Variants in MAPKAP1 observed in about 807,000 individuals in gnomAD.
The protein encoded by MAPKAP1 is target of rapamycin complex 2 subunit MAPKAP1.
A neutral mutation model predicts 65.7 loss-of-function variants in MAPKAP1; 20 were observed. The observed-to-expected ratio is 0.30, with a 90% confidence interval of 0.21 to 0.44. The LOEUF (loss-of-function observed/expected upper bound fraction) is 0.44. Ranked by LOEUF, MAPKAP1 falls within the 20% of genes least tolerant of loss-of-function variation. MAPKAP1 has a pLI of 1.00. For missense variants in MAPKAP1, 423 were observed against 648.0 expected (o/e 0.65, Z 3.77); for synonymous variants, 222 against 244.3 (o/e 0.91, Z 0.85).
rs148095545 is a variant in MAPKAP1, at chr9:125,588,371, A to T, written c.499-2644T>A. The stretch of plus-strand genomic sequence containing the variant: ...AACAGGCAAATCCATAGAGACAGAA[A>T]GTAGATTAGCGGTTGGCAGAAGATG... On this transcript the variant is annotated intron_variant, in intron 4 of 11. Coordinates refer to ENST00000265960, the MANE Select transcript of MAPKAP1 (RefSeq NM_001006617.3). 4.7e-3 allele frequency among the ~76,000 whole-genome samples: 723 copies of T among 152,292 alleles called. 3 individuals carry two copies. Among genetic ancestry groups the T allele is most frequent in the African/African-American group, 0.017 (691 of 41,558 alleles).
intron 7 of MAPKAP1, among the ~76,000 whole-genome samples, chr9:125,509,843 G>C (rs2133091791): frequency 6.6e-6 from 1 of 152,220 alleles, no homozygotes; most frequent in Non-Finnish European, 1.5e-5. Flanking sequence ...GGGAAAACAG[G>C]GGAGTCAGGG....
chr9:125,439,107 C>T lies in MAPKAP1; in HGVS notation c.1444-95G>A. The stretch of plus-strand genomic sequence containing the variant: ...GTGGCAGGGAAGGCCCTGACCTGGG[C>T]CGGGTGCCTCAGGGCCAGGTGCTGT... On this transcript the variant is annotated intron_variant, in intron 11 of 11. Transcript: ENST00000265960. The surrounding 1 kb of genome is among the most constrained non-coding windows in gnomAD (Gnocchi z 4.0). 6.8e-7 allele frequency: 1 copy of T among 1,471,830 alleles called. No homozygotes were observed. The highest frequency in any genetic ancestry group is 1.3e-5 in the South Asian group (1 of 78,438). 91.2% of individuals were successfully genotyped at this position (1,471,830 alleles called of 1,614,324 possible). A position where few individuals can be genotyped will look rare whatever the true frequency, so the allele number is the denominator to read the frequency against.
chr9:125,459,976 A>G (rs1213634411), intron 10 of MAPKAP1, among the ~76,000 whole-genome samples: 1 of 152,232 alleles, frequency 6.6e-6, no homozygotes, highest in African/African-American at 2.4e-5. Context: ...TAAGCTCTCC[A>G]TTTATTTATT....
chr9:125,480,079 A>T (rs1243253591), intron 9 of MAPKAP1, among the ~76,000 whole-genome samples: 1 of 152,238 alleles, frequency 6.6e-6, no homozygotes, highest in Non-Finnish European at 1.5e-5. Flanking sequence ...TCTCAGGAAG[A>T]AAGAATTTCT....
chr9:125,661,961 ATG>A (rs893122592), intron 3 of MAPKAP1, among the ~76,000 whole-genome samples: 7 of 152,330 alleles, frequency 4.6e-5, no homozygotes, highest in African/African-American at 1.7e-4. Context: ...AGATTAAAAA[ATG>A]AGACATTAAC....
intron 1 of MAPKAP1, among the ~76,000 whole-genome samples, chr9:125,681,892 T>C (rs987821266): frequency 2.6e-5 from 4 of 152,166 alleles, no homozygotes; most frequent in African/African-American, 9.7e-5. Flanking sequence ...CACCCCAGCC[T>C]GGGACTGCAG....
At chr9:125,616,527 T>C (rs768255653) in intron 4 of MAPKAP1, among the ~76,000 whole-genome samples, 3 of 151,776 alleles carry the variant, frequency 2.0e-5, no homozygotes, top group Non-Finnish European at 4.4e-5. Flanking sequence ...TTGATTAAAA[T>C]AGAAAAAAGA....
intron 4 of MAPKAP1, among the ~76,000 whole-genome samples, chr9:125,606,596 G>C (rs868395426): frequency 5.9e-5 from 9 of 152,120 alleles, no homozygotes; most frequent in Non-Finnish European, 8.8e-5. Flanking sequence ...CAAATATTAT[G>C]GCCATGAGAA....
chr9:125,691,190 G>A (rs1384815585), intron 1 of MAPKAP1, among the ~76,000 whole-genome samples: 1 of 152,148 alleles, frequency 6.6e-6, no homozygotes, highest in African/African-American at 2.4e-5. Context: ...GAACCTGGGA[G>A]GCAGAGCTTC....
intron 6 of MAPKAP1, among the ~76,000 whole-genome samples, chr9:125,545,306 T>C (rs1830391865): frequency 6.6e-6 from 1 of 152,244 alleles, no homozygotes; most frequent in Non-Finnish European, 1.5e-5. Context: ...AAACGTAAAG[T>C]GCCTTGTGCA....
intron 4 of MAPKAP1, chr9:125,596,034 T>C (rs1467971586): frequency 1.3e-5 from 18 of 1,431,658 alleles, no homozygotes; most frequent in Admixed American, 1.7e-5. Flanking sequence ...CCTGCGAGAT[T>C]ATTTTGAACA....
At chr9:125,624,401 T>G (rs1231251941) in intron 4 of MAPKAP1, among the ~76,000 whole-genome samples, 5 of 53,810 alleles carry the variant, frequency 9.3e-5, no homozygotes, top group Admixed American at 1.9e-4. Flanking sequence ...TCGGCCCCCA[T>G]CCCGGCCAGC....
At chr9:125,694,689 C>G (rs914550405) in intron 1 of MAPKAP1, among the ~76,000 whole-genome samples, 12 of 152,110 alleles carry the variant, frequency 7.9e-5, no homozygotes, top group Non-Finnish European at 8.8e-5. Flanking sequence ...CTGTGAAATA[C>G]TTCAAATTCC....
chr9:125,598,395 T>G (rs752465387), intron 4 of MAPKAP1, among the ~76,000 whole-genome samples: 2 of 152,220 alleles, frequency 1.3e-5, no homozygotes, highest in Non-Finnish European at 2.9e-5. Flanking sequence ...TCTGACAAGT[T>G]AAGCTTAAAA....
intron 3 of MAPKAP1, among the ~76,000 whole-genome samples, chr9:125,665,879 T>C (rs1834326017): frequency 2.0e-5 from 3 of 152,334 alleles, no homozygotes; most frequent in Admixed American, 6.5e-5. Flanking sequence ...ACATTGTTGT[T>C]TTGCATTATT....
intron 4 of MAPKAP1, among the ~76,000 whole-genome samples, chr9:125,592,581 T>C (rs1169698655): frequency 6.6e-6 from 1 of 152,110 alleles, no homozygotes; most frequent in East Asian, 1.9e-4. Flanking sequence ...GTAGCCTGTG[T>C]TAAGGGATCA....
At chr9:125,472,921 T>C (rs1853972753) in intron 9 of MAPKAP1, among the ~76,000 whole-genome samples, 2 of 152,178 alleles carry the variant, frequency 1.3e-5, no homozygotes, top group South Asian at 4.1e-4. Context: ...AAAACAAACA[T>C]CACTTTGAAA....
At chr9:125,640,046 G>A (rs1353846908) in intron 4 of MAPKAP1, among the ~76,000 whole-genome samples, 4 of 152,122 alleles carry the variant, frequency 2.6e-5, no homozygotes, top group Non-Finnish European at 4.4e-5. Context: ...TAAGACCTCA[G>A]TATAGGCATG....
chr9:125,474,680 C>A (rs148030522), intron 9 of MAPKAP1, among the ~76,000 whole-genome samples: 1 of 152,210 alleles, frequency 6.6e-6, no homozygotes, highest in East Asian at 1.9e-4. Flanking sequence ...CTTAAAATAC[C>A]CCCTTAAAAA....
Sources: gnomAD v4.1 joint callset for allele counts (sites outside exome capture counted in the v4.1 genomes callset) on GRCh38, gnomAD v4.1.1 for gene constraint, Gnocchi (gnomAD v3.1) non-coding constraint, MANE v1.5 for transcripts, NCBI Gene and HGNC (gene_info 2026-07-23, HGNC 2026-07-21) for gene names.